Variants in VTI1A observed in about 807,000 individuals in gnomAD.
The protein encoded by VTI1A is vesicle transport through interaction with t-SNAREs 1A.
In VTI1A, 22 loss-of-function variants were observed where a neutral mutation model predicts 34.9. The ratio of observed to expected loss-of-function variants is 0.63; its 90% CI spans 0.45 to 0.90. The LOEUF (loss-of-function observed/expected upper bound fraction) is 0.90, where lower values mean the gene tolerates loss of function less well. Ranked by LOEUF, VTI1A falls within the 40% of genes least tolerant of loss-of-function variation. VTI1A has a pLI of 0.00. For synonymous variants in VTI1A, 87 were observed against 97.3 expected, an observed-to-expected ratio of 0.89 and a Z score of 0.62; for missense variants, 268 against 275.6, an observed-to-expected ratio of 0.97 and a Z score of 0.20.
At chr10:112,545,963 T>G (rs1190863566) in intron 5 of VTI1A, among the ~76,000 whole-genome samples, 1 of 151,330 alleles carries the variant, frequency 6.6e-6, no homozygotes, top group African/African-American at 2.4e-5. Flanking sequence ...TGTGTGTATA[T>G]ACGTGTATAC....
chr10:112,512,084 G>C (rs1849632442), intron 3 of VTI1A, among the ~76,000 whole-genome samples: 1 of 152,114 alleles, frequency 6.6e-6, no homozygotes, highest in Non-Finnish European at 1.5e-5. Flanking sequence ...ATACTCCGTA[G>C]TGGGATTGCT....
rs1003147226 is a variant in VTI1A at position 112,676,255 on chromosome 10, C to T, written c.560+7257C>T. Among the ~76,000 whole-genome samples, 5 of 152,132 alleles carry T rather than the reference C, an allele frequency of 3.3e-5. No individual in the cohort carries two copies. In the South Asian group the frequency reaches 1.0e-3, roughly 32 times the overall value. On this transcript the variant is annotated intron_variant, in intron 7 of 7. Transcript: ENST00000393077. ...TTATGTCCCTATTCCTGTCATGGCG[C>T]CACCATTCCCCCTTCCTTCTGGGAC... is the stretch of plus-strand genomic sequence containing the variant.
chr10:112,494,149 A>G (rs1848931934), intron 3 of VTI1A, among the ~76,000 whole-genome samples: 1 of 152,080 alleles, frequency 6.6e-6, no homozygotes, highest in Non-Finnish European at 1.5e-5. Context: ...ATATTCTATT[A>G]TCTTTTGAGT....
chr10:112,618,161 T>A (rs959208710), intron 5 of VTI1A, among the ~76,000 whole-genome samples: 5 of 151,706 alleles, frequency 3.3e-5, no homozygotes, highest in Non-Finnish European at 7.4e-5. Context: ...CTCAAAAAAA[T>A]AAATAAATAA....
At chr10:112,550,056 G>T (rs957369561) in intron 5 of VTI1A, among the ~76,000 whole-genome samples, 1 of 152,062 alleles carries the variant, frequency 6.6e-6, no homozygotes, top group African/African-American at 2.4e-5. Context: ...AATTCATAGG[G>T]TTCATTTTTA....
intron 3 of VTI1A, among the ~76,000 whole-genome samples, chr10:112,473,035 C>A (rs1848150644): frequency 6.8e-6 from 1 of 146,522 alleles, no homozygotes. Flanking sequence ...TTTTTCCAAT[C>A]TTCTCTCCCC....
intron 5 of VTI1A, among the ~76,000 whole-genome samples, chr10:112,552,608 T>TAA (rs113532693): frequency 7.0e-6 from 1 of 142,214 alleles, no homozygotes; most frequent in Non-Finnish European, 1.6e-5. Context: ...AGAGACCTTT[T>TAA]AAAAAAAAAA....
At chr10:112,774,710 G>A (rs1851907768) in intron 7 of VTI1A, among the ~76,000 whole-genome samples, 1 of 152,062 alleles carries the variant, frequency 6.6e-6, no homozygotes, top group African/African-American at 2.4e-5. Flanking sequence ...TGCAATGGAT[G>A]AAAGTCACTT....
At chr10:112,491,684 TTTTTC>T (rs1848829311) in intron 3 of VTI1A, among the ~76,000 whole-genome samples, 2 of 152,236 alleles carry the variant, frequency 1.3e-5, no homozygotes, top group African/African-American at 4.8e-5. Flanking sequence ...TTACATTCTT[TTTTTC>T]TTGTCTTCAG....
At position 112,734,797 on chromosome 10, in the gene VTI1A, C is replaced by T. The variant is rs144536829; in HGVS notation, c.560+65799C>T. Among the ~76,000 whole-genome samples the T allele has an allele frequency of 2.6e-3, 389 of 152,010 alleles. 6 individuals are homozygous for T. The highest frequency in any genetic ancestry group is 8.5e-3 in the Admixed American group (129 of 15,266). ...CCTCCCGAATAGCTGGGATTACAGGCGCCTGCCACCATGCCAGGCTAATTT... is the reference window on the plus strand; with the variant it reads ...CCTCCCGAATAGCTGGGATTACAGGTGCCTGCCACCATGCCAGGCTAATTT... On this transcript the variant is annotated intron_variant, in intron 7 of 7. Coordinates refer to ENST00000393077, the MANE Select transcript of VTI1A (RefSeq NM_145206.4).
chr10:112,523,362 G>T (rs1314832263), intron 3 of VTI1A, among the ~76,000 whole-genome samples: 1 of 152,054 alleles, frequency 6.6e-6, no homozygotes, highest in African/African-American at 2.4e-5. Context: ...TGTGTCATCA[G>T]TTTAAAATAG....
chr10:112,511,098 T>C lies in VTI1A; in HGVS notation c.265-15989T>C, dbSNP rs556028422. ...TTTTAGATCATTTTAAGCTTTGTATTTGAAAATAATCTCAAACTTGCTGAA... is the reference window on the plus strand; with the variant it reads ...TTTTAGATCATTTTAAGCTTTGTATCTGAAAATAATCTCAAACTTGCTGAA... On this transcript the variant is annotated intron_variant, in intron 3 of 7. Transcript: ENST00000393077. Among the ~76,000 whole-genome samples, 4 of 152,332 alleles carry C rather than the reference T, an allele frequency of 2.6e-5. No individual in the cohort carries two copies. In the East Asian group the frequency reaches 7.7e-4, roughly 29 times the overall value.
At chr10:112,849,354 G>C in the VTI1A span, among the ~76,000 whole-genome samples, 1 of 152,198 alleles carries the variant, frequency 6.6e-6, no homozygotes, top group Non-Finnish European at 1.5e-5. Flanking sequence ...CTCTCTGCCT[G>C]AGCCCTGAGG....
chr10:112,818,402 A>G lies in VTI1A; in HGVS notation c.*3019A>G, dbSNP rs1207187144. 2.6e-5 allele frequency: 6 copies of G among 228,958 alleles called. No individual in the cohort carries two copies. Among genetic ancestry groups the G allele is most frequent in the East Asian group, 2.5e-4 (4 of 16,164 alleles). The allele number at this position is 228,958 out of a possible 1,614,324, so 14.2% of individuals were successfully genotyped here. On this transcript the variant is annotated 3_prime_UTR_variant, in exon 8 of 8. Transcript: ENST00000393077. ...ATCAACCCATAGAAGAAGGGAGGGG[A>G]AAAAAAAGAAAGAAAGGAAAAGCAA...
At chr10:112,516,203 G>A (rs567814943) in intron 3 of VTI1A, among the ~76,000 whole-genome samples, 2 of 152,132 alleles carry the variant, frequency 1.3e-5, no homozygotes, top group East Asian at 3.9e-4. Context: ...AAACAAAGAA[G>A]AAATATGCAT....
At chr10:112,780,982 C>T (rs1234213315) in intron 7 of VTI1A, among the ~76,000 whole-genome samples, 2 of 152,042 alleles carry the variant, frequency 1.3e-5, no homozygotes, top group East Asian at 1.9e-4. Context: ...TATTTTTTGA[C>T]GAAGTCTCGC....
intron 5 of VTI1A, among the ~76,000 whole-genome samples, chr10:112,553,478 C>T (rs560090926): frequency 3.2e-4 from 49 of 152,330 alleles, no homozygotes; most frequent in African/African-American, 1.1e-3. Context: ...TGCATAGTAA[C>T]GCTAGCTGCT....
At chr10:112,560,597 CTTTTT>C (rs1281971200) in intron 5 of VTI1A, among the ~76,000 whole-genome samples, 1 of 123,740 alleles carries the variant, frequency 8.1e-6, no homozygotes, top group Non-Finnish European at 1.7e-5. Flanking sequence ...AATAGAAGTG[CTTTTT>C]TTTTTTTTTT....
chr10:112,730,237 A>T (rs778148594), intron 7 of VTI1A, among the ~76,000 whole-genome samples: 1 of 152,228 alleles, frequency 6.6e-6, no homozygotes, highest in Non-Finnish European at 1.5e-5. Context: ...GATTTCCTCC[A>T]TTCTGTGACC....
Sources: gnomAD v4.1 joint callset for allele counts (sites outside exome capture counted in the v4.1 genomes callset) on GRCh38, gnomAD v4.1.1 for gene constraint, MANE v1.5 for transcripts, NCBI Gene and HGNC (gene_info 2026-07-23, HGNC 2026-07-21) for gene names.